The following DACH2 variants were observed in gnomAD, a reference collection of about 807,000 sequenced individuals.
The protein encoded by DACH2 is dachshund family transcription factor 2.
DACH2 carries 17 observed loss-of-function variants against 35.8 expected under a neutral mutation model. The observed-to-expected ratio is 0.48, with a 90% CI of 0.33 to 0.71. The LOEUF (loss-of-function observed/expected upper bound fraction) is 0.71. Among genes scored for constraint, DACH2 ranks in the 30% least tolerant of loss-of-function variants. The pLI is 0.02. For synonymous variants in DACH2, 195 were observed against 177.3 expected, an observed-to-expected ratio of 1.10 and a Z score of -0.79; for missense variants, 469 against 472.7, an observed-to-expected ratio of 0.99 and a Z score of 0.07.
intron 3 of DACH2, among the ~76,000 whole-genome samples, chrX:86,545,342 G>A: frequency 9.0e-6 from 1 of 111,263 alleles, no homozygotes; most frequent in Non-Finnish European, 1.9e-5. Context: ...ACAATTTGGA[G>A]CTGAACATTG....
At chrX:86,246,534 A>T (rs2033288525) in intron 1 of DACH2, among the ~76,000 whole-genome samples, 1 of 112,221 alleles carries the variant, frequency 8.9e-6, no homozygotes, top group African/African-American at 3.2e-5. Context: ...AAGAAAAGGA[A>T]TTCCAAACAA....
intron 6 of DACH2, among the ~76,000 whole-genome samples, chrX:86,730,106 T>C (rs1033724477): frequency 9.0e-6 from 1 of 111,388 alleles, no homozygotes; most frequent in African/African-American, 3.3e-5. Context: ...TTGGTTTATA[T>C]TAAGCTGATG....
chrX:86,653,883 T>A (rs977892042), intron 4 of DACH2, among the ~76,000 whole-genome samples: 2 of 109,592 alleles, frequency 1.8e-5, no homozygotes, highest in Non-Finnish European at 3.8e-5. Flanking sequence ...GCCAGCCTAG[T>A]CTCGAACTCC....
In DACH2 at chrX:86,602,160, T is replaced by C. The variant is rs147194342; in HGVS notation, c.641-48876T>C. On this transcript the variant is annotated intron_variant, in intron 3 of 11. Coordinates refer to ENST00000373125, the MANE Select transcript of DACH2 (RefSeq NM_053281.3). The stretch of plus-strand genomic sequence containing the variant: ...TTTGAGTCTGGATTCTTTATAATCA[T>C]CAGTGTTGTAGCCTTTGTTAGTAGT... 1.4e-3 allele frequency among the ~76,000 whole-genome samples: 155 copies of C among 112,147 alleles called. 1 individual carries two copies. Among genetic ancestry groups the C allele is most frequent in the African/African-American group, 4.8e-3 (150 of 30,985 alleles).
At chrX:86,708,466 C>A (rs2041243724) in intron 5 of DACH2, among the ~76,000 whole-genome samples, 1 of 111,204 alleles carries the variant, frequency 9.0e-6, no homozygotes, top group Non-Finnish European at 1.9e-5. Context: ...TGTACAAAAT[C>A]AACTGCTTTC....
intron 4 of DACH2, among the ~76,000 whole-genome samples, chrX:86,681,188 T>C (rs916493209): frequency 2.4e-4 from 27 of 111,923 alleles, no homozygotes; most frequent in Admixed American, 5.7e-4. Flanking sequence ...TGTGTTCTCT[T>C]GTTTTGGTCA....
chrX:86,217,109 A>G (rs2032592097), intron 1 of DACH2, among the ~76,000 whole-genome samples: 2 of 109,737 alleles, frequency 1.8e-5, no homozygotes, highest in African/African-American at 6.6e-5. Context: ...AAAAAAAAAA[A>G]AGGAAGAAAA....
At chrX:86,527,108 G>A (rs2038644826) in intron 3 of DACH2, among the ~76,000 whole-genome samples, 1 of 111,332 alleles carries the variant, frequency 9.0e-6, no homozygotes, top group Non-Finnish European at 1.9e-5. Flanking sequence ...CCAATATTGG[G>A]TGAAAATTTA....
intron 1 of DACH2, among the ~76,000 whole-genome samples, chrX:86,237,673 G>A (rs2033083858): frequency 8.9e-6 from 1 of 111,843 alleles, no homozygotes; most frequent in Non-Finnish European, 1.9e-5. Context: ...AGCCAGCTGT[G>A]GAGCGGCAAG....
chrX:86,204,797 C>T (rs1180559051), intron 1 of DACH2, among the ~76,000 whole-genome samples: 2 of 111,695 alleles, frequency 1.8e-5, no homozygotes, highest in African/African-American at 6.5e-5. Context: ...GCAGCTCAAT[C>T]GGATGGGAGA....
chrX:86,378,001 T>C (rs186072411), intron 2 of DACH2, among the ~76,000 whole-genome samples: 1 of 110,545 alleles, frequency 9.0e-6, no homozygotes, highest in African/African-American at 3.3e-5. Context: ...TATTAATGAC[T>C]GAGTTTAACT....
chrX:86,803,714 A>T (rs1177690071), intron 7 of DACH2, among the ~76,000 whole-genome samples: 1 of 110,865 alleles, frequency 9.0e-6, no homozygotes, highest in Non-Finnish European at 1.9e-5. Context: ...AAAATCAGAA[A>T]AAAGTCACTA....
chrX:86,549,402 A>C (rs747800315), intron 3 of DACH2, among the ~76,000 whole-genome samples: 25 of 111,281 alleles, frequency 2.2e-4, no homozygotes, highest in Admixed American at 3.8e-4. Flanking sequence ...AGAGTTTTGC[A>C]CAATTTGTAA....
chrX:86,543,161 G>A (rs922980366), intron 3 of DACH2, among the ~76,000 whole-genome samples: 3 of 111,454 alleles, frequency 2.7e-5, no homozygotes, highest in Non-Finnish European at 5.7e-5. Context: ...ACAGAGGCAG[G>A]GCTGAAGAGA....
chrX:86,736,567 TTC>T (rs1215087570), intron 6 of DACH2, among the ~76,000 whole-genome samples: 1 of 111,424 alleles, frequency 9.0e-6, no homozygotes, highest in Non-Finnish European at 1.9e-5. Context: ...TCTTGATATT[TTC>T]TGTTTTTATA....
At chrX:86,409,974 C>G (rs1021192948) in intron 2 of DACH2, among the ~76,000 whole-genome samples, 1 of 111,821 alleles carries the variant, frequency 8.9e-6, no homozygotes, top group Non-Finnish European at 1.9e-5. Context: ...CTTTATTTAA[C>G]CCCTGTCTTA....
intron 2 of DACH2, among the ~76,000 whole-genome samples, chrX:86,490,086 T>G (rs1050438281): frequency 8.9e-6 from 1 of 112,033 alleles, no homozygotes; most frequent in Non-Finnish European, 1.9e-5. Context: ...TGGACGTAGT[T>G]GCATCCATGT....
intron 7 of DACH2, among the ~76,000 whole-genome samples, chrX:86,767,872 C>G (rs1229418398): frequency 1.8e-5 from 2 of 111,848 alleles, no homozygotes; most frequent in African/African-American, 3.2e-5. Flanking sequence ...ACTGCCTGAC[C>G]ATCTTCATAA....
At chrX:86,590,457 C>A (rs1190467674) in intron 3 of DACH2, among the ~76,000 whole-genome samples, 2 of 111,661 alleles carry the variant, frequency 1.8e-5, no homozygotes, top group Admixed American at 1.9e-4. Context: ...GTAACTGGTA[C>A]ATTCACTTAT....
Sources: allele counts gnomAD v4.1 joint callset (sites outside exome capture counted in the v4.1 genomes callset), GRCh38; gene constraint gnomAD v4.1.1; transcripts MANE v1.5; gene names NCBI Gene and HGNC (gene_info 2026-07-23, HGNC 2026-07-21).